Variants in UNC13C observed in about 807,000 individuals in gnomAD.
UNC13C encodes the protein protein unc-13 homolog C.
A neutral mutation model predicts 245.4 loss-of-function variants in UNC13C; 174 were observed. The observed-to-expected ratio is 0.71, with a 90% confidence interval of 0.63 to 0.80. The LOEUF (loss-of-function observed/expected upper bound fraction) is 0.80, where lower values mean the gene tolerates loss of function less well. Among genes scored for constraint, UNC13C ranks in the 30% least tolerant of loss-of-function variants. The probability of loss-of-function intolerance (pLI) is 0.00; values close to 1 mark genes in which losing one functional copy is unlikely to be tolerated. For missense variants in UNC13C, 2,829 were observed against 2,602.9 expected (o/e 1.09, Z -1.89); for synonymous variants, 992 against 895.1 (o/e 1.11, Z -1.93).
At chr15:54,501,070 C>G in intron 22 of UNC13C, 92 bp downstream of exon 22, 2 of 1,304,218 alleles carry the variant, frequency 1.5e-6, no homozygotes, top group Non-Finnish European at 2.1e-6. Context: ...CTCTGTCACC[C>G]CATCCCAGTT....
At chr15:54,125,865 G>A (rs563440729) in intron 2 of UNC13C, among the ~76,000 whole-genome samples, 24 of 152,172 alleles carry the variant, frequency 1.6e-4, no homozygotes, top group African/African-American at 4.8e-4. Context: ...TGCTTTATTA[G>A]ATTAATGTTT....
At chr15:54,454,124 G>GATAT (rs111937074) in intron 19 of UNC13C, among the ~76,000 whole-genome samples, 2 of 87,614 alleles carry the variant, frequency 2.3e-5, no homozygotes, top group African/African-American at 5.1e-5. Context: ...TTTTTATTGT[G>GATAT]ATATATATAT....
At chr15:54,186,250 A>G (rs1205102013) in intron 4 of UNC13C, among the ~76,000 whole-genome samples, 2 of 152,166 alleles carry the variant, frequency 1.3e-5, no homozygotes, top group Non-Finnish European at 2.9e-5. Context: ...TTCCAAATTG[A>G]ATGCCCTTTA....
chr15:54,549,788 G>A, intron 28 of UNC13C, 97 bp downstream of exon 28: 2 of 739,326 alleles, frequency 2.7e-6, no homozygotes, highest in South Asian at 4.7e-5. Flanking sequence ...TAGCATGGCA[G>A]GATTAAGAAG....
At chr15:54,177,557 C>G (rs2033657782) in intron 4 of UNC13C, among the ~76,000 whole-genome samples, 1 of 152,084 alleles carries the variant, frequency 6.6e-6, no homozygotes, top group Admixed American at 6.5e-5. Flanking sequence ...AAAGGAATAC[C>G]AGAATAAAAC....
the UNC13C span, chr15:53,913,636 G>A: frequency 6.6e-6 from 1 of 152,228 alleles, no homozygotes; most frequent in African/African-American, 2.4e-5. Flanking sequence ...ATCCACTTTA[G>A]CAAAGTGGGG....
Position 54,626,984 on chromosome 15 carries a change from G to A in UNC13C, c.6516G>A (p.Leu2172=). 2 of 1,613,380 alleles carry A rather than the reference G, an allele frequency of 1.2e-6. No individual in the cohort carries two copies. Among genetic ancestry groups the A allele is most frequent in the Non-Finnish European group, 1.7e-6 (2 of 1,179,580 alleles). The change falls in exon 33 of 33, where the codon CTG becomes CTA. Residue 2172 remains leucine (L), a synonymous_variant. Transcript: ENST00000260323. ...KGSYGAWYPL[L]KNISMDETGL... ...GCTATGGGGCATGGTATCCTCTTCT[G>A]AAAAATATCTCTATGGATGAAACTG...
In UNC13C at chr15:54,599,526, T is replaced by C. The variant is rs372613938; in HGVS notation, c.6107-22801T>C. On this transcript the variant is annotated intron_variant, in intron 30 of 32. Transcript: ENST00000260323. Reference sequence around the variant, plus strand: ...TCTATTTCTTTCACTCCAGTAAGACTATCCAAGTTTCCGAAAGTAAGATTT... The same window carrying C: ...TCTATTTCTTTCACTCCAGTAAGACCATCCAAGTTTCCGAAAGTAAGATTT... Among the ~76,000 whole-genome samples, 8 of 152,180 alleles carry C rather than the reference T, an allele frequency of 5.3e-5. No homozygotes were observed. The South Asian group carries it at 6.2e-4, about 12-fold the overall frequency.
intron 19 of UNC13C, among the ~76,000 whole-genome samples, chr15:54,418,667 G>A (rs2040571512): frequency 6.6e-6 from 1 of 152,060 alleles, no homozygotes; most frequent in African/African-American, 2.4e-5. Context: ...GGAGGGTTGG[G>A]GGCTTGGTAA....
At chr15:54,315,374 A>T (rs2037981866) in intron 13 of UNC13C, among the ~76,000 whole-genome samples, 1 of 151,694 alleles carries the variant, frequency 6.6e-6, no homozygotes, top group South Asian at 2.1e-4. Flanking sequence ...GTCCTATTTT[A>T]TAAGACTCTT....
intron 2 of UNC13C, among the ~76,000 whole-genome samples, chr15:54,028,792 A>G (rs1056149497): frequency 7.2e-6 from 1 of 138,502 alleles, no homozygotes; most frequent in Admixed American, 8.2e-5. Context: ...CCGGGTTCAC[A>G]CTCTTCTCCT....
intron 8 of UNC13C, among the ~76,000 whole-genome samples, chr15:54,252,061 A>G (rs1420948741): frequency 6.6e-6 from 1 of 152,202 alleles, no homozygotes; most frequent in African/African-American, 2.4e-5. Flanking sequence ...GCAAAATCTC[A>G]TAATCTGATT....
At chr15:54,487,128 C>G (rs946248198) in intron 19 of UNC13C, among the ~76,000 whole-genome samples, 1 of 152,114 alleles carries the variant, frequency 6.6e-6, no homozygotes, top group African/African-American at 2.4e-5. Flanking sequence ...CTACGTAGAT[C>G]AATCAGAGAG....
intron 4 of UNC13C, among the ~76,000 whole-genome samples, chr15:54,169,687 G>C (rs1408334391): frequency 2.0e-5 from 3 of 152,024 alleles, no homozygotes; most frequent in East Asian, 1.9e-4. Context: ...CCAGCCCTAG[G>C]GCTTTAAGCT....
intron 10 of UNC13C, 29 bp from the exon 11 acceptor site, chr15:54,293,863 ATTG>A: frequency 1.3e-6 from 2 of 1,481,880 alleles, no homozygotes; most frequent in South Asian, 1.5e-5. Flanking sequence ...GCAGTTTTCA[ATTG>A]TTGTTAACTT....
intron 7 of UNC13C, among the ~76,000 whole-genome samples, chr15:54,246,965 A>C (rs2036009323): frequency 6.6e-6 from 1 of 152,270 alleles, no homozygotes; most frequent in South Asian, 2.1e-4. Flanking sequence ...CATTTTGCCA[A>C]ATCCTGCTGT....
intron 1 of UNC13C, among the ~76,000 whole-genome samples, chr15:54,004,495 T>G (rs1370293464): frequency 6.6e-6 from 1 of 152,236 alleles, no homozygotes; most frequent in East Asian, 1.9e-4. Context: ...CTCTTTGATA[T>G]AAGGATTTCT....
intron 2 of UNC13C, among the ~76,000 whole-genome samples, chr15:54,023,391 A>G (rs1216383319): frequency 6.6e-6 from 1 of 152,174 alleles, no homozygotes; most frequent in Non-Finnish European, 1.5e-5. Flanking sequence ...AAGTCAGCCA[A>G]TTTTGTGTTA....
chr15:54,082,935 C>G (rs1369408022), intron 2 of UNC13C, among the ~76,000 whole-genome samples: 1 of 152,088 alleles, frequency 6.6e-6, no homozygotes, highest in Non-Finnish European at 1.5e-5. Context: ...AGCCCATACA[C>G]CATCTCCTGC....
Sources: gnomAD v4.1 joint callset for allele counts (sites outside exome capture counted in the v4.1 genomes callset) on GRCh38, gnomAD v4.1.1 for gene constraint, MANE v1.5 for transcripts, NCBI Gene and HGNC (gene_info 2026-07-23, HGNC 2026-07-21) for gene names.